The following CTNNA3 variants were observed in gnomAD, a reference collection of about 807,000 sequenced individuals.
CTNNA3 encodes the protein catenin alpha-3.
A neutral mutation model predicts 95.7 loss-of-function variants in CTNNA3; 76 were observed. That is an observed-to-expected ratio of 0.79 (90% CI 0.66 to 0.96). The LOEUF is 0.96. CTNNA3 is among the 40% of genes least tolerant of loss of function. The pLI is 0.00. For missense variants in CTNNA3, 1,191 were observed against 1,089.8 expected (o/e 1.09, Z -1.31); for synonymous variants, 431 against 374.4 (o/e 1.15, Z -1.74).
At chr10:67,124,443 G>GA (rs80268028) in intron 7 of CTNNA3, among the ~76,000 whole-genome samples, 97,454 of 150,938 alleles carry the variant, frequency 0.65, 32,970 homozygotes, top group African/African-American at 0.86. Flanking sequence ...AATCTATATG[G>GA]AAAATATTAC....
chr10:66,299,880 A>T (rs567743329), intron 12 of CTNNA3, among the ~76,000 whole-genome samples: 3 of 152,218 alleles, frequency 2.0e-5, no homozygotes, highest in African/African-American at 7.2e-5. Flanking sequence ...GAAATAGTAA[A>T]ATACAATGAG....
At chr10:65,983,601 C>A (rs952854715) in intron 16 of CTNNA3, among the ~76,000 whole-genome samples, 3 of 151,356 alleles carry the variant, frequency 2.0e-5, no homozygotes, top group Non-Finnish European at 3.0e-5. Context: ...ATAGCTATAA[C>A]AATCTTGTTT....
At chr10:67,046,112 GA>G (rs34309255) in intron 7 of CTNNA3, among the ~76,000 whole-genome samples, 1 of 151,890 alleles carries the variant, frequency 6.6e-6, no homozygotes. Context: ...GCTAATCCCA[GA>G]AAAGGCAGTC....
intron 9 of CTNNA3, among the ~76,000 whole-genome samples, chr10:66,647,037 T>C (rs536726319): frequency 7.1e-4 from 107 of 151,014 alleles, no homozygotes; most frequent in African/African-American, 2.4e-3. Flanking sequence ...AGAAAAAGAA[T>C]GCGGCTGCAC....
intron 12 of CTNNA3, among the ~76,000 whole-genome samples, chr10:66,294,689 T>C (rs929321527): frequency 6.6e-6 from 1 of 152,122 alleles, no homozygotes; most frequent in African/African-American, 2.4e-5. Flanking sequence ...GCTGATTAGA[T>C]GCAGGGAGGT....
At chr10:66,883,650 A>G (rs910350874) in intron 7 of CTNNA3, among the ~76,000 whole-genome samples, 9 of 152,114 alleles carry the variant, frequency 5.9e-5, no homozygotes. Context: ...TAATTTTCCC[A>G]AAGTCCTTAA....
chr10:67,264,600 T>A (rs1454409842), intron 5 of CTNNA3, among the ~76,000 whole-genome samples: 1 of 152,186 alleles, frequency 6.6e-6, no homozygotes, highest in Non-Finnish European at 1.5e-5. Context: ...ATTAAATGCC[T>A]GGTCTTTGGG....
At chr10:66,451,848 C>CAAATGCTAACTCCTACTTCCTAAGT (rs1564977758) in intron 11 of CTNNA3, among the ~76,000 whole-genome samples, 5 of 152,102 alleles carry the variant, frequency 3.3e-5, no homozygotes, top group African/African-American at 7.2e-5. Flanking sequence ...ACTTCCTAAG[C>CAAATGCTAACTCCTACTTCCTAAGT]ATCCCGACAG....
chr10:66,233,520 C>T (rs1281984667), intron 13 of CTNNA3, among the ~76,000 whole-genome samples: 1 of 152,060 alleles, frequency 6.6e-6, no homozygotes. Context: ...TAAATAGGTA[C>T]TTTACAAAAT....
intron 14 of CTNNA3, among the ~76,000 whole-genome samples, chr10:66,096,008 C>T (rs1462833): frequency 1.3e-5 from 2 of 151,954 alleles, no homozygotes; most frequent in African/African-American, 2.4e-5. Flanking sequence ...GTATATATGA[C>T]AAATAATGTA....
At chr10:67,054,623 A>G (rs577483098) in intron 7 of CTNNA3, 3 of 152,282 alleles carry the variant, frequency 2.0e-5, no homozygotes, top group East Asian at 1.9e-4. Context: ...CAGGTTCAAT[A>G]TGATGCAGTA....
At chr10:66,931,558 G>T (rs114114376) in intron 7 of CTNNA3, among the ~76,000 whole-genome samples, 1 of 152,186 alleles carries the variant, frequency 6.6e-6, no homozygotes, top group Non-Finnish European at 1.5e-5. Flanking sequence ...GACCTCTAGT[G>T]TCTGGTTAGA....
At chr10:66,306,897 G>A (rs1275212880) in intron 12 of CTNNA3, among the ~76,000 whole-genome samples, 1 of 152,142 alleles carries the variant, frequency 6.6e-6, no homozygotes, top group Admixed American at 6.5e-5. Context: ...TAAGCAATGA[G>A]CTTAAAACTA....
chr10:67,461,192 T>C (rs1257377021), intron 5 of CTNNA3, among the ~76,000 whole-genome samples: 1 of 152,132 alleles, frequency 6.6e-6, no homozygotes, highest in African/African-American at 2.4e-5. Context: ...ATGAACACAC[T>C]ATAGAGGGAA....
chr10:66,271,705 G>C (rs949629604), intron 13 of CTNNA3, among the ~76,000 whole-genome samples: 1 of 152,114 alleles, frequency 6.6e-6, no homozygotes, highest in South Asian at 2.1e-4. Context: ...AGCTGCACTT[G>C]TGTAGAGCTC....
chr10:66,892,802 A>T lies in CTNNA3; in HGVS notation c.1048-117278T>A, dbSNP rs189789215. Among the ~76,000 whole-genome samples the T allele has an allele frequency of 3.9e-3, 591 of 152,276 alleles. 2 individuals carry two copies. Among genetic ancestry groups the T allele is most frequent in the African/African-American group, 0.013 (558 of 41,572 alleles). On this transcript the variant is annotated intron_variant, in intron 7 of 17. Transcript: ENST00000433211. ...ACTGATTTAAACACTACGAAAATGT[A>T]GCACAATTCCCTTTCAAGAGGAAGA... is the stretch of plus-strand genomic sequence containing the variant.
Position 67,223,464 on chromosome 10 carries a change from ATACT to A in CTNNA3, c.580-3598_580-3595del, listed in dbSNP as rs1162747449. 7.9e-5 allele frequency among the ~76,000 whole-genome samples: 12 copies of A among 152,310 alleles called. No homozygotes were observed. In the East Asian group the frequency reaches 1.5e-3, roughly 20 times the overall value. On this transcript the variant is annotated intron_variant, in intron 5 of 17. Coordinates refer to ENST00000433211, the MANE Select transcript of CTNNA3 (RefSeq NM_013266.4). ...AAAGAATTCAGCTCCTCAAGGATTG[ATACT>A]TATTTATAATCTTTTTTTAAATGCT...
intron 5 of CTNNA3, among the ~76,000 whole-genome samples, chr10:67,430,710 C>T (rs1846081684): frequency 1.3e-5 from 2 of 151,670 alleles, no homozygotes; most frequent in Admixed American, 1.3e-4. Flanking sequence ...AGGTGTGAAA[C>T]ATCCTTTAAT....
chr10:67,100,249 G>A (rs935605357), intron 7 of CTNNA3, among the ~76,000 whole-genome samples: 3 of 151,590 alleles, frequency 2.0e-5, no homozygotes, highest in African/African-American at 7.3e-5. Flanking sequence ...ATAAATAGAA[G>A]CAATCACCTT....
Sources: allele counts gnomAD v4.1 joint callset (sites outside exome capture counted in the v4.1 genomes callset), GRCh38; gene constraint gnomAD v4.1.1; transcripts MANE v1.5; gene names NCBI Gene and HGNC (gene_info 2026-07-23, HGNC 2026-07-21).